Variants in TMEM131 observed in about 807,000 individuals in gnomAD.
TMEM131 encodes 2610524E03Rik.
TMEM131 carries 66 observed loss-of-function variants against 211.6 expected under a neutral mutation model. The ratio of observed to expected loss-of-function variants is 0.31; its 90% CI spans 0.26 to 0.38. TMEM131 has a LOEUF of 0.38. TMEM131 is among the 10% of genes least tolerant of loss of function. The pLI, the probability that TMEM131 is intolerant of heterozygous loss-of-function variation, is 1.00. For synonymous variants in TMEM131, 844 were observed against 841.3 expected, an observed-to-expected ratio of 1.00 and a Z score of -0.06; for missense variants, 2,036 against 2,299.3, an observed-to-expected ratio of 0.89 and a Z score of 2.34.
intron 1 of TMEM131, among the ~76,000 whole-genome samples, chr2:97,942,372 T>C (rs1285685162): frequency 6.6e-6 from 1 of 151,106 alleles, no homozygotes; most frequent in Non-Finnish European, 1.5e-5. Flanking sequence ...AAATACCTAA[T>C]GTAAATGACG....
rs1679695446 is a variant in TMEM131, at chr2:97,775,846, C to T, written c.4317G>A (p.Lys1439=). Residue 1439 remains lysine (K), a synonymous_variant, in exon 32 of 41, where the codon AAG becomes AAA. Coordinates refer to ENST00000186436, the MANE Select transcript of TMEM131 (RefSeq NM_015348.2). ...GTTGTGTGAGATCAGCCCGTACCTC[C>T]TTGAGGAGCGGTTCTGTGTCAGGGT... ...TSNPDTEPLL[K]EDTEKQKGKQ... The T allele has an allele frequency of 6.2e-7, 1 of 1,612,688 alleles. No individual in the cohort carries two copies. Among genetic ancestry groups the T allele is most frequent in the African/African-American group, 1.3e-5 (1 of 74,892 alleles).
chr2:97,793,312 T>C (rs2104888762), intron 30 of TMEM131, 83 bp downstream of exon 30: 1 of 1,421,692 alleles, frequency 7.0e-7, no homozygotes, highest in Non-Finnish European at 9.5e-7. Flanking sequence ...TGAGCAAAGA[T>C]GAAAAGAAAC....
chr2:97,901,663 G>A (rs1033441639), intron 3 of TMEM131, among the ~76,000 whole-genome samples: 1 of 152,160 alleles, frequency 6.6e-6, no homozygotes, highest in African/African-American at 2.4e-5. Flanking sequence ...TTTATGTTAA[G>A]TGAAACAGGC....
Position 97,923,619 on chromosome 2 carries a change from CT to C in TMEM131, c.249+3806del, listed in dbSNP as rs1272162549. 5.1e-3 allele frequency among the ~76,000 whole-genome samples: 567 copies of C among 110,984 alleles called. 14 individuals are homozygous for C. In the East Asian group the frequency reaches 0.058, roughly 11 times the overall value. 72.8% of individuals were successfully genotyped at this position (110,984 alleles called of 152,430 possible). On this transcript the variant is annotated intron_variant, in intron 2 of 40. Transcript: ENST00000186436. Reference sequence around the variant, plus strand: ...CATGGGTAACAGAGCAAGACACTGTCTTTTTTTTTAAAAAAAAAAAAAAAAA... The same window carrying C: ...CATGGGTAACAGAGCAAGACACTGTCTTTTTTTTAAAAAAAAAAAAAAAAA...
At chr2:97,782,983 A>G (rs1192174016) in intron 31 of TMEM131, among the ~76,000 whole-genome samples, 1 of 151,334 alleles carries the variant, frequency 6.6e-6, no homozygotes, top group Non-Finnish European at 1.5e-5. Context: ...AAAAAAAAAG[A>G]GCAAACCTCA....
chr2:97,831,976 C>T (rs1442086869), intron 11 of TMEM131, among the ~76,000 whole-genome samples: 1 of 99,626 alleles, frequency 1.0e-5, no homozygotes, highest in South Asian at 3.3e-4. Context: ...CCTATTTTTG[C>T]ATTTTTTATA....
chr2:97,819,995 C>T (rs1682034979), intron 11 of TMEM131, among the ~76,000 whole-genome samples: 2 of 152,182 alleles, frequency 1.3e-5, no homozygotes, highest in Admixed American at 1.3e-4. Context: ...TCACAGGGTA[C>T]GGATCTGATT....
intron 4 of TMEM131, among the ~76,000 whole-genome samples, chr2:97,873,812 TCTC>T (rs1240912642): frequency 1.3e-5 from 2 of 152,094 alleles, no homozygotes; most frequent in Non-Finnish European, 2.9e-5. Flanking sequence ...GAAGGTCTCT[TCTC>T]CTCCAAAGAT....
At chr2:97,858,034 G>C (rs1673918825) in intron 5 of TMEM131, among the ~76,000 whole-genome samples, 1 of 152,080 alleles carries the variant, frequency 6.6e-6, no homozygotes, top group Non-Finnish European at 1.5e-5. Context: ...TCAGTCCCTT[G>C]TTTATAAAAT....
chr2:97,759,436 G>A, intron 39 of TMEM131: 1 of 564,374 alleles, frequency 1.8e-6, no homozygotes, highest in South Asian at 2.2e-5. Flanking sequence ...CACACCAACT[G>A]GTGTGCGCAC....
At chr2:97,759,853 G>C in intron 38 of TMEM131, 104 bp from the exon 39 acceptor site, 1 of 778,358 alleles carries the variant, frequency 1.3e-6, no homozygotes, top group Non-Finnish European at 2.2e-6. Flanking sequence ...TGCTTCAACT[G>C]GGGGTACTCA....
At chr2:97,911,070 A>G (rs1401076220) in intron 2 of TMEM131, among the ~76,000 whole-genome samples, 3 of 152,220 alleles carry the variant, frequency 2.0e-5, no homozygotes, top group African/African-American at 7.2e-5. Context: ...GAACAGACAC[A>G]TGAGTTGTGT....
At chr2:97,809,056 T>G (rs529592971) in intron 19 of TMEM131, among the ~76,000 whole-genome samples, 1 of 152,312 alleles carries the variant, frequency 6.6e-6, no homozygotes, top group African/African-American at 2.4e-5. Context: ...CACTCTATTG[T>G]TACTTTCATC....
chr2:97,767,884 T>C (rs1470008659), intron 33 of TMEM131, among the ~76,000 whole-genome samples: 5 of 152,144 alleles, frequency 3.3e-5, no homozygotes, highest in Non-Finnish European at 7.4e-5. Context: ...TCAGAGGCAA[T>C]CTGCTGTGCT....
At chr2:97,972,484 G>C (rs935943038) in intron 1 of TMEM131, among the ~76,000 whole-genome samples, 19 of 128,480 alleles carry the variant, frequency 1.5e-4, no homozygotes, top group African/African-American at 5.1e-4. Context: ...GGGAGGGAGG[G>C]AAGGCGGGCA....
intron 1 of TMEM131, among the ~76,000 whole-genome samples, chr2:97,931,097 TA>T (rs1226008049): frequency 6.6e-6 from 1 of 151,898 alleles, no homozygotes; most frequent in Non-Finnish European, 1.5e-5. Flanking sequence ...TGCTCATGAC[TA>T]ACAGCACCTT....
intron 25 of TMEM131, among the ~76,000 whole-genome samples, chr2:97,798,239 A>AT (rs1418168511): frequency 6.6e-6 from 1 of 152,234 alleles, no homozygotes; most frequent in Non-Finnish European, 1.5e-5. Context: ...TTGCTTTTTT[A>AT]TTACAAAAAC....
chr2:97,947,116 T>C (rs1337636028), intron 1 of TMEM131, among the ~76,000 whole-genome samples: 1 of 151,992 alleles, frequency 6.6e-6, no homozygotes, highest in African/African-American at 2.4e-5. Flanking sequence ...TACTTAATGG[T>C]GAAAGACTAA....
intron 3 of TMEM131, among the ~76,000 whole-genome samples, chr2:97,890,866 A>T (rs1675348181): frequency 6.6e-6 from 1 of 152,254 alleles, no homozygotes; most frequent in Non-Finnish European, 1.5e-5. Flanking sequence ...TGTGATGTCC[A>T]GCAACTGTTA....
Sources: allele counts gnomAD v4.1 joint callset (sites outside exome capture counted in the v4.1 genomes callset), GRCh38; gene constraint gnomAD v4.1.1; transcripts MANE v1.5; gene names NCBI Gene and HGNC (gene_info 2026-07-23, HGNC 2026-07-21).